The following CFAP91 variants were observed in gnomAD, a reference collection of about 807,000 sequenced individuals.
CFAP91 encodes the protein cilia- and flagella-associated protein 91.
In CFAP91, 85 loss-of-function variants were observed where a neutral mutation model predicts 95.9. The ratio of observed to expected loss-of-function variants is 0.89; its 90% CI spans 0.74 to 1.06. The LOEUF is 1.06. Among genes scored for constraint, CFAP91 ranks in the 50% least tolerant of loss-of-function variants. The pLI, the probability that CFAP91 is intolerant of heterozygous loss-of-function variation, is 0.00. For missense variants in CFAP91, 962 were observed against 943.4 expected (o/e 1.02, Z -0.26); for synonymous variants, 335 against 327.5 (o/e 1.02, Z -0.25).
intron 2 of CFAP91, 60 bp downstream of exon 2, chr3:119,706,945 C>T: frequency 7.8e-7 from 1 of 1,276,500 alleles, no homozygotes; most frequent in South Asian, 1.2e-5. Flanking sequence ...GTTTGCCTGA[C>T]TGCATTGATC....
In CFAP91 at chr3:119,732,421, A is replaced by G. The variant is rs1403364445; in HGVS notation, c.1146A>G (p.Pro382=). Residue 382 remains proline (P), a synonymous_variant, in exon 9 of 18, where the codon CCA becomes CCG. Coordinates refer to ENST00000273390, the MANE Select transcript of CFAP91 (RefSeq NM_033364.4). ...CTCTGTCTCGTCTTGGGTGTTTCCC[A>G]GACAACAACTCAGAGGACTTTGTAG... ...YGPLSRLGCF[P]DNNSEDFVVK... is the part of the protein sequence containing the mutation. 6.2e-7 allele frequency: 1 copy of G among 1,612,556 alleles called. No individual in the cohort carries two copies. The highest frequency in any genetic ancestry group is 2.2e-5 in the East Asian group (1 of 44,800).
chr3:119,705,414 T>C (rs1685004798), intron 1 of CFAP91, among the ~76,000 whole-genome samples: 1 of 152,206 alleles, frequency 6.6e-6, no homozygotes, highest in Admixed American at 6.5e-5. Flanking sequence ...ATCTACTCTC[T>C]TTCCCCTCCT....
At chr3:119,763,483 A>G (rs1559774119) in intron 17 of CFAP91, among the ~76,000 whole-genome samples, 1 of 152,124 alleles carries the variant, frequency 6.6e-6, no homozygotes, top group Admixed American at 6.6e-5. Flanking sequence ...TCCAAAGGTA[A>G]TGAAATCAGT....
At chr3:119,747,374 C>A in intron 15 of CFAP91, 111 bp downstream of exon 15, 4 of 1,220,892 alleles carry the variant, frequency 3.3e-6, no homozygotes, top group Non-Finnish European at 4.5e-6. Flanking sequence ...ATAACTCATA[C>A]TTCAGCGTCC....
At chr3:119,716,531 C>G (rs1361596293) in intron 6 of CFAP91, among the ~76,000 whole-genome samples, 1 of 152,190 alleles carries the variant, frequency 6.6e-6, no homozygotes, top group Non-Finnish European at 1.5e-5. Flanking sequence ...TATCTGGGCT[C>G]TAGTTTTGAT....
At chr3:119,716,251 G>A (rs546081978) in intron 6 of CFAP91, among the ~76,000 whole-genome samples, 1 of 152,316 alleles carries the variant, frequency 6.6e-6, no homozygotes, top group African/African-American at 2.4e-5. Context: ...TTAACTCTTA[G>A]AATGTAATAA....
At chr3:119,717,550 GTTT>G (rs1553706267) in intron 6 of CFAP91, among the ~76,000 whole-genome samples, 2,235 of 130,150 alleles carry the variant, frequency 0.017, 33 homozygotes, top group Middle Eastern at 0.056. Flanking sequence ...AAATACGTTG[GTTT>G]TTTTTTTTTT....
At chr3:119,744,891 T>A (rs1469929144) in intron 14 of CFAP91, among the ~76,000 whole-genome samples, 1 of 152,188 alleles carries the variant, frequency 6.6e-6, no homozygotes, top group African/African-American at 2.4e-5. Flanking sequence ...TTAGAAATTA[T>A]TGGCAAATCA....
chr3:119,706,152 T>C (rs1440890209), intron 1 of CFAP91: 1 of 152,106 alleles, frequency 6.6e-6, no homozygotes, highest in Non-Finnish European at 1.5e-5. Context: ...TTTTAAAGGG[T>C]GGTACAGTAT....
intron 8 of CFAP91, 89 bp downstream of exon 8, chr3:119,730,466 T>C: frequency 1.5e-6 from 2 of 1,348,972 alleles, no homozygotes; most frequent in Non-Finnish European, 1.0e-6. Context: ...ATGATATAAT[T>C]CTGTTTTGGT....
chr3:119,704,002 C>T (rs1412754848), intron 1 of CFAP91, among the ~76,000 whole-genome samples: 1 of 152,218 alleles, frequency 6.6e-6, no homozygotes, highest in Non-Finnish European at 1.5e-5. Flanking sequence ...GCATTGCTTT[C>T]AGCAATGTGG....
At chr3:119,763,423 TAA>T (rs770703219) in intron 17 of CFAP91, among the ~76,000 whole-genome samples, 2 of 151,728 alleles carry the variant, frequency 1.3e-5, no homozygotes, top group Non-Finnish European at 2.9e-5. Context: ...CCTCAAAAAA[TAA>T]AAAATAGAAC....
intron 5 of CFAP91, among the ~76,000 whole-genome samples, chr3:119,711,394 T>C (rs1263178215): frequency 6.6e-6 from 1 of 152,168 alleles, no homozygotes; most frequent in Non-Finnish European, 1.5e-5. Flanking sequence ...TTCTGGTAAT[T>C]CTTTAAAATC....
intron 13 of CFAP91, among the ~76,000 whole-genome samples, chr3:119,741,343 C>T (rs1330422300): frequency 6.6e-6 from 1 of 151,916 alleles, no homozygotes; most frequent in Non-Finnish European, 1.5e-5. Context: ...GAATAAATAA[C>T]AAAAGCAACA....
At chr3:119,746,420 A>G (rs2054219853) in intron 14 of CFAP91, among the ~76,000 whole-genome samples, 3 of 152,244 alleles carry the variant, frequency 2.0e-5, no homozygotes, top group South Asian at 4.1e-4. Flanking sequence ...AAGGGCTGGT[A>G]TGATAGTTCA....
chr3:119,732,573 C>A, intron 9 of CFAP91, 97 bp downstream of exon 9: 1 of 899,684 alleles, frequency 1.1e-6, no homozygotes, highest in Non-Finnish European at 1.7e-6. Context: ...AAAAGCTAAG[C>A]AATAAAAATA....
At chr3:119,733,279 C>A in intron 9 of CFAP91, 85 bp from the exon 10 acceptor site, 1 of 1,428,130 alleles carries the variant, frequency 7.0e-7, no homozygotes, top group Non-Finnish European at 9.5e-7. Flanking sequence ...AACTGCTTGG[C>A]AAACAGCTAC....
chr3:119,709,787 A>G lies in CFAP91; in HGVS notation c.444-52A>G. On this transcript the variant is annotated intron_variant, in intron 4 of 17. Coordinates refer to ENST00000273390, the MANE Select transcript of CFAP91 (RefSeq NM_033364.4). ...ATATTAGAGCTGGAAGAGAGCTTAG[A>G]GTGCATTCATTGCAAAAGTCCCACA... 2.4e-6 allele frequency: 3 copies of G among 1,245,116 alleles called. No homozygotes were observed. The South Asian group carries it at 3.6e-5, about 15-fold the overall frequency. 77.1% of individuals were successfully genotyped at this position (1,245,116 alleles called of 1,614,324 possible).
In CFAP91 at chr3:119,766,966, A is replaced by G. The variant is rs943821742; in HGVS notation, c.*1916A>G. On this transcript the variant is annotated 3_prime_UTR_variant, in exon 18 of 18. Transcript: ENST00000273390. ...TCTCATTGACTAATTGAAGTTTACT[A>G]GGAGAGGAAAACTTTTTCTTGATAC... The G allele has an allele frequency of 2.0e-5, 3 of 152,250 alleles. No homozygotes were observed. The highest frequency in any genetic ancestry group is 4.4e-5 in the Non-Finnish European group (3 of 68,036). 9.4% of individuals were successfully genotyped at this position (152,250 alleles called of 1,614,324 possible).
Sources: gnomAD v4.1 joint callset for allele counts (sites outside exome capture counted in the v4.1 genomes callset) on GRCh38, gnomAD v4.1.1 for gene constraint, MANE v1.5 for transcripts, NCBI Gene and HGNC (gene_info 2026-07-23, HGNC 2026-07-21) for gene names.